Variants in SALL1 observed in about 807,000 individuals in gnomAD.
SALL1 encodes the protein spalt like transcription factor 1, also known as sal-like protein 1.
A neutral mutation model predicts 73.1 loss-of-function variants in SALL1; 10 were observed. That is an observed-to-expected ratio of 0.14 (90% confidence interval 0.08 to 0.23). SALL1 has a LOEUF of 0.23. Ranked by LOEUF, SALL1 falls within the 10% of genes least tolerant of loss-of-function variation. SALL1 has a pLI of 1.00. For synonymous variants in SALL1, 688 were observed against 689.8 expected (o/e 1.00, Z 0.04); for missense variants, 1,520 against 1,697.3 (o/e 0.90, Z 1.84).
intron 1 of SALL1, 46 bp from the exon 2 acceptor site, chr16:51,142,191 C>A: frequency 7.1e-7 from 1 of 1,402,054 alleles, no homozygotes; most frequent in Non-Finnish European, 1.0e-6. Context: ...GGCCAGGACA[C>A]ACAGTCACCT....
At chr16:51,150,338 TG>T (rs1375549941) in intron 1 of SALL1, 16 of 922,112 alleles carry the variant, frequency 1.7e-5, no homozygotes, top group South Asian at 5.0e-5. Context: ...CTGACCCCCC[TG>T]GAAGTAGGGA....
At chr16:51,148,799 C>CA (rs1231075964) in intron 1 of SALL1, among the ~76,000 whole-genome samples, 1 of 151,596 alleles carries the variant, frequency 6.6e-6, no homozygotes, top group African/African-American at 2.4e-5. Context: ...AACCCTATTA[C>CA]AAAATCTACC....
chr16:51,136,167 T>A lies in SALL1; in HGVS notation c.*945A>T, dbSNP rs930198714. ...CCTAAGACAAAATAAACAAACACTA[T>A]ACCTGCTCTCTTGATCAAGAAGAAG... On this transcript the variant is annotated 3_prime_UTR_variant, in exon 3 of 3. Transcript: ENST00000251020. 2.0e-5 allele frequency: 3 copies of A among 152,634 alleles called. No homozygotes were observed. The highest frequency in any genetic ancestry group is 4.4e-5 in the Non-Finnish European group (3 of 68,036). 9.5% of individuals were successfully genotyped at this position (152,634 alleles called of 1,614,324 possible).
At chr16:51,137,614 G>GA (rs1410033142) in intron 2 of SALL1, 62 bp from the exon 3 acceptor site, 1 of 1,340,214 alleles carries the variant, frequency 7.5e-7, no homozygotes, top group Non-Finnish European at 1.1e-6. Context: ...AGAGGAGGGG[G>GA]AGAGAAGCTT....
rs1667342198 is a variant in SALL1, at chr16:51,136,213, A to T, written c.*899T>A. 2 of 152,658 alleles carry T rather than the reference A, an allele frequency of 1.3e-5. No homozygotes were observed. Among genetic ancestry groups the T allele is most frequent in the East Asian group, 3.8e-4 (2 of 5,206 alleles). 9.5% of individuals were successfully genotyped at this position (152,658 alleles called of 1,614,324 possible). A position where few individuals can be genotyped will look rare whatever the true frequency, so the allele number is the denominator to read the frequency against. On this transcript the variant is annotated 3_prime_UTR_variant, in exon 3 of 3. Coordinates refer to ENST00000251020, the MANE Select transcript of SALL1 (RefSeq NM_002968.3). ...AGAAGCATTTGCTCTTGTAAGGAAC[A>T]TATGTACATTTGAATGAAAGTGATA...
Position 51,137,356 on chromosome 16 carries a change from C to A in SALL1, c.3731G>T (p.Gly1244Val). The A allele has an allele frequency of 3.7e-6, 6 of 1,614,086 alleles. No individual in the cohort carries two copies. The highest frequency in any genetic ancestry group is 5.1e-6 in the Non-Finnish European group (6 of 1,180,022). ...WNQYAAALSN[G>V]LAMKANEISV... Reference sequence around the variant, plus strand: ...GATCTCGTTGGCCTTCATCGCCAGCCCGTTGGAGAGCGCTGCTGCATACTG... The same window carrying A: ...GATCTCGTTGGCCTTCATCGCCAGCACGTTGGAGAGCGCTGCTGCATACTG... Residue 1244 changes from glycine (G) to valine (V), a missense_variant, in exon 3 of 3, where the codon GGG becomes GTG. Physicochemically the swap from Gly to Val is moderately radical, Grantham distance 109. Coordinates refer to ENST00000251020, the MANE Select transcript of SALL1 (RefSeq NM_002968.3).
In SALL1 at chr16:51,138,941, T is replaced by G. The variant is rs1431250675; in HGVS notation, c.3281A>C (p.His1094Pro). Residue 1094 changes from histidine to proline, a missense_variant, in exon 2 of 3, where the codon CAT becomes CCT. Physicochemically the swap from His to Pro is moderately conservative, Grantham distance 77. Coordinates refer to ENST00000251020, the MANE Select transcript of SALL1 (RefSeq NM_002968.3). ...GTCCTTACTGTCCTGAGGAGAAACA[T>G]GCACGAAGCCGTTGACCTCTGTCTT... Reference protein sequence around the residue: ...LIKTEVNGFVHVSPQDSKDTP... With the variant: ...LIKTEVNGFVPVSPQDSKDTP... The G allele has an allele frequency of 6.2e-7, 1 of 1,614,104 alleles. No homozygotes were observed. Among genetic ancestry groups the G allele is most frequent in the South Asian group, 1.1e-5 (1 of 91,070 alleles).
Position 51,140,624 on chromosome 16 carries a change from G to A in SALL1, c.1598C>T (p.Pro533Leu). Residue 533 changes from proline to leucine, a missense_variant, in exon 2 of 3, where the codon CCT becomes CTT. By Grantham distance (98) the Pro-to-Leu change is moderately conservative. Transcript: ENST00000251020. The surrounding 1 kb of genome is among the most constrained non-coding windows in gnomAD (Gnocchi z 5.7). The part of the protein sequence containing the change: ...STGIPYGMSI[P>L]PEKPVTSWLD... Reference sequence around the variant, plus strand: ...CCAGCTGGTGACTGGCTTCTCTGGAGGGATGGACATGCCATATGGGATGCC... The same window carrying A: ...CCAGCTGGTGACTGGCTTCTCTGGAAGGATGGACATGCCATATGGGATGCC... 6.2e-7 allele frequency: 1 copy of A among 1,614,182 alleles called. No individual in the cohort carries two copies. Among genetic ancestry groups the A allele is most frequent in the South Asian group, 1.1e-5 (1 of 91,078 alleles).
Position 51,138,982 on chromosome 16 carries a change from C to A in SALL1, c.3240G>T (p.Ser1080=), listed in dbSNP as rs753963105. ...CCTCTGTCTTGATGAGAGATGACAA[C>A]GAGTTGGCGGGAATCACCGCTGAGT... ...NQNSAVIPAN[S]LSSLIKTEVN... Residue 1080 remains serine, a synonymous_variant, in exon 2 of 3, where the codon TCG becomes TCT. Coordinates refer to ENST00000251020, the MANE Select transcript of SALL1 (RefSeq NM_002968.3). 1.2e-6 allele frequency: 2 copies of A among 1,613,996 alleles called. No individual in the cohort carries two copies. Among genetic ancestry groups the A allele is most frequent in the African/African-American group, 1.3e-5 (1 of 74,870 alleles).
Position 51,140,266 on chromosome 16 carries a change from C to T in SALL1, c.1956G>A (p.Ala652=), listed in dbSNP as rs201019414. 15 of 1,614,014 alleles carry T rather than the reference C, an allele frequency of 9.3e-6. No homozygotes were observed. The highest frequency in any genetic ancestry group is 2.2e-5 in the East Asian group (1 of 44,880). Residue 652 remains alanine (A), a synonymous_variant, in exon 2 of 3, where the codon GCG becomes GCA. Coordinates refer to ENST00000251020, the MANE Select transcript of SALL1 (RefSeq NM_002968.3). The surrounding 1 kb of genome is among the most constrained non-coding windows in gnomAD (Gnocchi z 5.7). ...GGTTGGTGAAGGTGGTGGCACTGCC[C>T]GCGGGGCCGCAGTCTGCCGCTGGGG... is the stretch of plus-strand genomic sequence containing the variant. The part of the protein sequence containing the change: ...LSSPAADCGP[A]GSATTFTNPL...
chr16:51,138,146 G>A (rs1962345765), intron 2 of SALL1, among the ~76,000 whole-genome samples: 1 of 152,146 alleles, frequency 6.6e-6, no homozygotes, highest in Non-Finnish European at 1.5e-5. Context: ...AAGCATATTT[G>A]CTTTATTTCC....
At chr16:51,146,637 T>C (rs528619670) in intron 1 of SALL1, among the ~76,000 whole-genome samples, 222 of 152,252 alleles carry the variant, frequency 1.5e-3, no homozygotes, top group Middle Eastern at 3.4e-3. Flanking sequence ...GAAACTAAAA[T>C]AAACTACTAA....
At chr16:51,137,687 A>G in intron 2 of SALL1, 135 bp from the exon 3 acceptor site, 1 of 668,902 alleles carries the variant, frequency 1.5e-6, no homozygotes, top group Non-Finnish European at 2.6e-6. Flanking sequence ...CTAAATGTCT[A>G]TTCTCATCAT....
Position 51,139,392 on chromosome 16 carries a change from T to G in SALL1, c.2830A>C (p.Ile944Leu), listed in dbSNP as rs1368173922. The G allele has an allele frequency of 6.2e-7, 1 of 1,614,058 alleles. No homozygotes were observed. Among genetic ancestry groups the G allele is most frequent in the Non-Finnish European group, 8.5e-7 (1 of 1,180,038 alleles). ...ACCGCTCTCTGTGGTTTCTCCTCAA[T>G]GCTGGGTGACTTGTGGAACTCCTGC... The part of the protein sequence containing the change: ...STQEFHKSPS[I>L]EEKPQRAVPS... The change falls in exon 2 of 3, where the codon ATT becomes CTT. Residue 944 changes from isoleucine to leucine, a missense_variant. Ile to Leu is a conservative substitution (Grantham distance 5). Coordinates refer to ENST00000251020, the MANE Select transcript of SALL1 (RefSeq NM_002968.3).
rs1261072207 is a variant in SALL1, at chr16:51,140,208, C to A, written c.2014G>T (p.Ala672Ser). 22 of 1,614,146 alleles carry A rather than the reference C, an allele frequency of 1.4e-5. No homozygotes were observed. The highest frequency in any genetic ancestry group is 1.8e-5 in the Non-Finnish European group (21 of 1,180,036). ...LLPLMSEQFK[A>S]KFPFGGLLDS... ...AGGAGTCCCCCAAAAGGAAACTTGG[C>A]CTTGAACTGCTCGGACATGAGCGGC... Residue 672 changes from alanine to serine, a missense_variant, in exon 2 of 3, where the codon GCC becomes TCC. Around this residue, in one of 7 missense-constraint regions of SALL1, gnomAD observed 276 missense variants for 259.1 expected, o/e 1.07. Transcript: ENST00000251020. The surrounding 1 kb of genome is among the most constrained non-coding windows in gnomAD (Gnocchi z 5.7).
At chr16:51,151,722 C>G (rs1181508300), upstream of SALL1, among the ~76,000 whole-genome samples, 1 of 151,300 alleles carries the variant, frequency 6.6e-6, no homozygotes, top group Non-Finnish European at 1.5e-5. Flanking sequence ...TCCCTCTCCC[C>G]TCCCTCTTCC....
At chr16:51,137,692 C>T (rs1962339301) in intron 2 of SALL1, 140 bp from the exon 3 acceptor site, 1 of 653,804 alleles carries the variant, frequency 1.5e-6, no homozygotes, top group Non-Finnish European at 2.6e-6. Flanking sequence ...TGTCTATTCT[C>T]ATCATGTGAC....
intron 1 of SALL1, chr16:51,143,384 A>C (rs1376289267): frequency 2.4e-6 from 1 of 420,306 alleles, no homozygotes; most frequent in Non-Finnish European, 4.8e-6. Context: ...CTGTTGTACA[A>C]ATGGTGTGTG....
Position 51,136,423 on chromosome 16 carries a change from C to A in SALL1, c.*689G>T, listed in dbSNP as rs757187944. 1 of 152,604 alleles carries A rather than the reference C, an allele frequency of 6.6e-6. No homozygotes were observed. The highest frequency in any genetic ancestry group is 6.5e-5 in the Admixed American group (1 of 15,282). The allele number at this position is 152,604 out of a possible 1,614,324, so 9.5% of individuals were successfully genotyped here. On this transcript the variant is annotated 3_prime_UTR_variant, in exon 3 of 3. Coordinates refer to ENST00000251020, the MANE Select transcript of SALL1 (RefSeq NM_002968.3). ...TTGTTTTCTTTTTCTCTAAAGAATT[C>A]TGCGTGCTTATTACTGTACAGAAAC...
Sources: allele counts gnomAD v4.1 joint callset (sites outside exome capture counted in the v4.1 genomes callset), GRCh38; gene constraint gnomAD v4.1.1; regional missense constraint gnomAD v4.1.1; non-coding constraint Gnocchi (gnomAD v3.1); transcripts MANE v1.5; gene names NCBI Gene and HGNC (gene_info 2026-07-23, HGNC 2026-07-21).